The following SPMAP2L variants were observed in gnomAD, a reference collection of about 807,000 sequenced individuals.
SPMAP2L encodes the protein sperm microtubule associated protein 2 like.
the SPMAP2L span, among the ~76,000 whole-genome samples, chr4:56,570,891 C>A: frequency 6.6e-6 from 1 of 152,092 alleles, no homozygotes; most frequent in African/African-American, 2.4e-5. Flanking sequence ...GCAACCTCCC[C>A]CTCCCGGGTT....
the SPMAP2L span, among the ~76,000 whole-genome samples, chr4:56,576,297 G>T: frequency 0.025 from 3,812 of 152,254 alleles, 154 homozygotes; most frequent in African/African-American, 0.085. Context: ...ATAATTAAGA[G>T]AAATGACATG....
the SPMAP2L span, among the ~76,000 whole-genome samples, chr4:56,567,164 C>T: frequency 1.2e-4 from 18 of 151,924 alleles, no homozygotes; most frequent in East Asian, 1.9e-4. Context: ...TTATATTTAC[C>T]GGCATTCTTA....
the SPMAP2L span, among the ~76,000 whole-genome samples, chr4:56,624,920 G>A: frequency 6.6e-6 from 1 of 152,136 alleles, no homozygotes; most frequent in African/African-American, 2.4e-5. Flanking sequence ...GAGAGAAGAG[G>A]GTCACTGTCC....
chr4:56,623,805 T>A, the SPMAP2L span, among the ~76,000 whole-genome samples: 1 of 152,200 alleles, frequency 6.6e-6, no homozygotes, highest in Non-Finnish European at 1.5e-5. Flanking sequence ...TGTGGAACTG[T>A]AAGTCCAATT....
the SPMAP2L span, among the ~76,000 whole-genome samples, chr4:56,553,916 T>G: frequency 6.6e-6 from 1 of 152,184 alleles, no homozygotes; most frequent in Admixed American, 6.5e-5. Context: ...TTCTAGAAAG[T>G]CATCTAGTTG....
chr4:56,610,767 T>C, the SPMAP2L span, among the ~76,000 whole-genome samples: 1 of 151,940 alleles, frequency 6.6e-6, no homozygotes, highest in East Asian at 1.9e-4. Context: ...AAAAATCCCA[T>C]TAAAAGGTGG....
the SPMAP2L span, among the ~76,000 whole-genome samples, chr4:56,598,305 G>A: frequency 6.6e-6 from 1 of 152,304 alleles, no homozygotes; most frequent in African/African-American, 2.4e-5. Context: ...GTCAGTATAT[G>A]TTTATTCAGC....
the SPMAP2L span, among the ~76,000 whole-genome samples, chr4:56,569,770 A>G: frequency 0.3 from 45,834 of 151,978 alleles, 9,928 homozygotes; most frequent in African/African-American, 0.61. Flanking sequence ...GCATTCCAGC[A>G]TGGGTGATAG....
At chr4:56,530,653 G>C in the SPMAP2L span, 1 of 1,526,904 alleles carries the variant, frequency 6.5e-7, no homozygotes, top group Non-Finnish European at 8.8e-7. Flanking sequence ...TGAGTCCCGC[G>C]CGCGACAGAA....
chr4:56,546,585 T>C, the SPMAP2L span, among the ~76,000 whole-genome samples: 7 of 152,220 alleles, frequency 4.6e-5, no homozygotes, highest in Non-Finnish European at 1.0e-4. Context: ...CTGAGAGCTA[T>C]TTCATCCTGC....
chr4:56,542,086 C>T, the SPMAP2L span, among the ~76,000 whole-genome samples: 1 of 152,166 alleles, frequency 6.6e-6, no homozygotes, highest in Non-Finnish European at 1.5e-5. Flanking sequence ...TGAAGGAAAC[C>T]AAAATACTGA....
chr4:56,537,837 T>C, the SPMAP2L span, among the ~76,000 whole-genome samples: 2,195 of 152,048 alleles, frequency 0.014, 18 homozygotes, highest in Non-Finnish European at 0.025. Context: ...GGACTACAGG[T>C]GCCCGCCACC....
chr4:56,615,202 A>G, the SPMAP2L span, among the ~76,000 whole-genome samples: 1 of 152,212 alleles, frequency 6.6e-6, no homozygotes, highest in African/African-American at 2.4e-5. Flanking sequence ...AAGTCACAGA[A>G]GGAAGCTGAG....
the SPMAP2L span, among the ~76,000 whole-genome samples, chr4:56,552,277 A>G: frequency 6.6e-6 from 1 of 152,266 alleles, no homozygotes; most frequent in East Asian, 1.9e-4. Flanking sequence ...ACAAGTGTGC[A>G]TTTTACCTCA....
chr4:56,613,967 C>T, the SPMAP2L span, among the ~76,000 whole-genome samples: 1 of 152,202 alleles, frequency 6.6e-6, no homozygotes, highest in Non-Finnish European at 1.5e-5. Context: ...GGCACCACCA[C>T]ATAGGCTGTG....
the SPMAP2L span, among the ~76,000 whole-genome samples, chr4:56,551,544 T>G: frequency 6.6e-6 from 1 of 152,168 alleles, no homozygotes; most frequent in Non-Finnish European, 1.5e-5. Context: ...TCGATATGGT[T>G]TTGTCAACAA....
chr4:56,570,080 T>C, the SPMAP2L span, among the ~76,000 whole-genome samples: 38 of 152,218 alleles, frequency 2.5e-4, no homozygotes, highest in Non-Finnish European at 5.0e-4. Context: ...TTTTCTCATT[T>C]TCTCCTCTGC....
the SPMAP2L span, among the ~76,000 whole-genome samples, chr4:56,609,639 A>C: frequency 1.3e-5 from 2 of 152,192 alleles, no homozygotes; most frequent in Non-Finnish European, 2.9e-5. Context: ...TTCCAGTGCA[A>C]CAGTATTAAG....
At chr4:56,589,476 G>T in the SPMAP2L span, among the ~76,000 whole-genome samples, 1 of 152,036 alleles carries the variant, frequency 6.6e-6, no homozygotes, top group Non-Finnish European at 1.5e-5. Flanking sequence ...GAAGAATGAT[G>T]GTGTTATTTT....
Sources: gnomAD v4.1 joint callset for allele counts (sites outside exome capture counted in the v4.1 genomes callset) on GRCh38, gnomAD v4.1.1 for gene constraint, MANE v1.5 for transcripts, NCBI Gene and HGNC (gene_info 2026-07-23, HGNC 2026-07-21) for gene names.